RYR3: variants seen among roughly 807,000 people sequenced by gnomAD.
The protein encoded by RYR3 is ryanodine receptor 3, also known as brain ryanodine receptor-calcium release channel.
RYR3 carries 207 observed loss-of-function variants against 584.3 expected under a neutral mutation model. The observed-to-expected ratio is 0.35, with a 90% CI of 0.32 to 0.40. The LOEUF (loss-of-function observed/expected upper bound fraction) is 0.40, where lower values mean the gene tolerates loss of function less well. RYR3 is among the 10% of genes least tolerant of loss of function. The probability of loss-of-function intolerance (pLI) is 1.00; values close to 1 mark genes in which losing one functional copy is unlikely to be tolerated. For synonymous variants in RYR3, 2,416 were observed against 2,248.5 expected, an observed-to-expected ratio of 1.07 and a Z score of -2.11; for missense variants, 5,616 against 6,089.2, an observed-to-expected ratio of 0.92 and a Z score of 2.59.
chr15:33,657,141 T>G (rs1424526147), intron 32 of RYR3, among the ~76,000 whole-genome samples: 1 of 152,172 alleles, frequency 6.6e-6, no homozygotes, highest in African/African-American at 2.4e-5. Context: ...AAGAGACATT[T>G]CCTTTGTTTA....
At chr15:33,524,428 G>A (rs754524749) in intron 3 of RYR3, among the ~76,000 whole-genome samples, 1 of 152,098 alleles carries the variant, frequency 6.6e-6, no homozygotes, top group African/African-American at 2.4e-5. Flanking sequence ...TTTTCTTTGG[G>A]ACAGTTAGGT....
At chr15:33,851,113 T>A (rs1243999788) in intron 94 of RYR3, 1 of 152,200 alleles carries the variant, frequency 6.6e-6, no homozygotes, top group Non-Finnish European at 1.5e-5. Context: ...TTTTCCATTA[T>A]GTATATTATC....
intron 16 of RYR3, among the ~76,000 whole-genome samples, chr15:33,600,103 C>T (rs2152548797): frequency 6.6e-6 from 1 of 152,270 alleles, no homozygotes; most frequent in Middle Eastern, 3.4e-3. Context: ...CAGTTGATGT[C>T]TTTCATAGAG....
intron 2 of RYR3, among the ~76,000 whole-genome samples, chr15:33,489,898 C>T (rs1041223455): frequency 2.0e-5 from 3 of 150,806 alleles, no homozygotes; most frequent in African/African-American, 4.9e-5. Context: ...GCCGTTCTGA[C>T]TGAGATGGTG....
At chr15:33,706,876 T>G (rs1197572658) in intron 42 of RYR3, 43 bp from the exon 43 acceptor site, 1 of 1,550,344 alleles carries the variant, frequency 6.5e-7, no homozygotes, top group Admixed American at 2.0e-5. Flanking sequence ...TTAATAGCCA[T>G]CCTAATGCGT....
intron 64 of RYR3, 131 bp from the exon 65 acceptor site, chr15:33,780,080 G>A: frequency 2.1e-6 from 2 of 958,836 alleles, no homozygotes; most frequent in Non-Finnish European, 3.1e-6. Context: ...AGGGGAAGAA[G>A]TGCATGCAAG....
At chr15:33,647,074 A>G (rs953942973) in intron 29 of RYR3, among the ~76,000 whole-genome samples, 5 of 152,178 alleles carry the variant, frequency 3.3e-5, no homozygotes, top group African/African-American at 7.2e-5. Flanking sequence ...GGTTTCCTCT[A>G]GAGTTTTGCT....
chr15:33,609,077 GA>G (rs1407537607), intron 18 of RYR3, among the ~76,000 whole-genome samples: 1 of 152,244 alleles, frequency 6.6e-6, no homozygotes, highest in African/African-American at 2.4e-5. Flanking sequence ...TGAACCCTCA[GA>G]GGACGGGAGA....
intron 1 of RYR3, among the ~76,000 whole-genome samples, chr15:33,397,870 A>AGG: frequency 6.6e-6 from 1 of 152,214 alleles, no homozygotes; most frequent in Admixed American, 6.5e-5. Context: ...ACCACAGAAG[A>AGG]GGGGGGTGTA....
chr15:33,613,144 C>G (rs1180337103), intron 18 of RYR3, 39 bp from the exon 19 acceptor site: 1 of 1,558,784 alleles, frequency 6.4e-7, no homozygotes, highest in Non-Finnish European at 8.8e-7. Context: ...CAGGTGCCTC[C>G]AGAGTTCCAC....
intron 70 of RYR3, among the ~76,000 whole-genome samples, chr15:33,808,717 C>T (rs539163044): frequency 5.7e-4 from 87 of 152,164 alleles, no homozygotes; most frequent in Non-Finnish European, 1.2e-3. Context: ...AAGCACTCAG[C>T]CAGTGATAGT....
intron 10 of RYR3, among the ~76,000 whole-genome samples, chr15:33,553,390 G>A (rs745982032): frequency 5.3e-5 from 8 of 152,100 alleles, no homozygotes; most frequent in Non-Finnish European, 8.8e-5. Flanking sequence ...CTGCAGGTGC[G>A]TGCTAACATC....
chr15:33,521,818 A>G (rs1293960134), intron 3 of RYR3, among the ~76,000 whole-genome samples: 2 of 152,136 alleles, frequency 1.3e-5, no homozygotes, highest in South Asian at 2.1e-4. Flanking sequence ...CCTATTGTGC[A>G]TTGCAGCCTT....
At chr15:33,335,027 AAC>A (rs1317227144) in intron 1 of RYR3, among the ~76,000 whole-genome samples, 10 of 152,182 alleles carry the variant, frequency 6.6e-5, no homozygotes, top group African/African-American at 2.2e-4. Context: ...GCCAAAAAAT[AAC>A]ACACGTCAGT....
intron 73 of RYR3, 111 bp from the exon 74 acceptor site, chr15:33,813,356 A>G (rs2076646775): frequency 9.9e-6 from 9 of 906,604 alleles, no homozygotes; most frequent in Non-Finnish European, 1.6e-5. Context: ...TGCTAACTAC[A>G]GTTGAGAAGC....
rs58775107 is a variant in RYR3, at chr15:33,742,435, C to T, written c.7890C>T (p.Ala2630=). 2.2e-5 allele frequency: 35 copies of T among 1,604,790 alleles called. No homozygotes were observed. The African/African-American group carries it at 4.4e-4, about 20-fold the overall frequency. ...KYAEHSHDKW[A]CDKSQSGWKY... Reference sequence around the variant, plus strand: ...CTGAGCATTCACATGATAAATGGGCCTGTGACAAGGTAGGGATTATCATCC... The same window carrying T: ...CTGAGCATTCACATGATAAATGGGCTTGTGACAAGGTAGGGATTATCATCC... The change falls in exon 52 of 104, where the codon GCC becomes GCT. Residue 2630 remains alanine (A), a synonymous_variant. Transcript: ENST00000634891.
chr15:33,784,023 C>T (rs746806041), intron 65 of RYR3, among the ~76,000 whole-genome samples: 27 of 152,232 alleles, frequency 1.8e-4, no homozygotes, highest in Non-Finnish European at 3.8e-4. Flanking sequence ...CTTCTATCCA[C>T]CAGAAGGCTC....
intron 36 of RYR3, among the ~76,000 whole-genome samples, chr15:33,664,589 G>GTATATATATATATATATATATATATA (rs139063789): frequency 1.2e-3 from 108 of 91,284 alleles, no homozygotes; most frequent in Middle Eastern, 6.9e-3. Flanking sequence ...GTGTGTGTGT[G>GTATATATATATATATATATATATATA]TATATATATA....
intron 2 of RYR3, among the ~76,000 whole-genome samples, chr15:33,477,908 A>ACTCGGGG (rs2049563178): frequency 7.8e-6 from 1 of 128,980 alleles, no homozygotes; most frequent in Non-Finnish European, 1.6e-5. Flanking sequence ...AAAAAAAAAG[A>ACTCGGGG]CTAGGGGCTA....
Sources: allele counts gnomAD v4.1 joint callset (sites outside exome capture counted in the v4.1 genomes callset), GRCh38; gene constraint gnomAD v4.1.1; transcripts MANE v1.5; gene names NCBI Gene and HGNC (gene_info 2026-07-23, HGNC 2026-07-21).